Variants in TRAP1 observed in about 807,000 individuals in gnomAD.
TRAP1 encodes the protein TNF receptor associated protein 1.
TRAP1 carries 102 observed loss-of-function variants against 89.1 expected under a neutral mutation model. That is an observed-to-expected ratio of 1.15 (90% CI 0.98 to 1.35). The LOEUF (loss-of-function observed/expected upper bound fraction) is 1.35, where lower values mean the gene tolerates loss of function less well. Among genes scored for constraint, TRAP1 ranks in the 40% most tolerant of loss-of-function variants. The pLI, the probability that TRAP1 is intolerant of heterozygous loss-of-function variation, is 0.00. For synonymous variants in TRAP1, 508 were observed against 388.0 expected, an observed-to-expected ratio of 1.31 and a Z score of -3.64; for missense variants, 1,256 against 945.3, an observed-to-expected ratio of 1.33 and a Z score of -4.31.
At chr16:3,693,819 T>C (rs1043246292) in intron 1 of TRAP1, among the ~76,000 whole-genome samples, 1 of 151,854 alleles carries the variant, frequency 6.6e-6, no homozygotes, top group African/African-American at 2.4e-5. Flanking sequence ...AAAGTGAGAC[T>C]CCATCTCTGC....
intron 10 of TRAP1, 22 bp downstream of exon 10, chr16:3,672,678 T>G: frequency 1.3e-6 from 2 of 1,599,364 alleles, no homozygotes; most frequent in Non-Finnish European, 1.7e-6. Flanking sequence ...GGGGCACTGC[T>G]CACGGACTCT....
At chr16:3,672,516 T>C (rs56026118) in intron 10 of TRAP1, among the ~76,000 whole-genome samples, 184 bp downstream of exon 10, 1 of 152,156 alleles carries the variant, frequency 6.6e-6, no homozygotes, top group Admixed American at 6.5e-5. Flanking sequence ...AGATCAGTCA[T>C]GTGCGTAGGG....
chr16:3,690,898 A>G lies in TRAP1; in HGVS notation c.176T>C (p.Phe59Ser). Residue 59 changes from phenylalanine to serine, a missense_variant, in exon 2 of 18, where the codon TTC becomes TCC. Coordinates refer to ENST00000246957, the MANE Select transcript of TRAP1 (RefSeq NM_016292.3). ...CTTGTCCTCGGCGGTCTGCGTGCTG[A>G]ACAGTCGTCCTGCCTGCAAGCTCCA... Reference protein sequence around the residue: ...PAWSLQAGRLFSTQTAEDKEE... With the variant: ...PAWSLQAGRLSSTQTAEDKEE... 6.3e-7 allele frequency: 1 copy of G among 1,593,606 alleles called. No individual in the cohort carries two copies. Among genetic ancestry groups the G allele is most frequent in the South Asian group, 1.1e-5 (1 of 88,290 alleles).
At chr16:3,693,991 A>C (rs1596737044) in intron 1 of TRAP1, among the ~76,000 whole-genome samples, 4 of 87,658 alleles carry the variant, frequency 4.6e-5, no homozygotes, top group Admixed American at 1.1e-4. Flanking sequence ...AGACAGCGAG[A>C]CTCTGTCTCA....
chr16:3,666,348 A>G (rs538527438), intron 11 of TRAP1, among the ~76,000 whole-genome samples: 8 of 139,298 alleles, frequency 5.7e-5, no homozygotes, highest in Admixed American at 1.4e-4. Context: ...CAGTAGGAGA[A>G]CCGATGCCCC....
At chr16:3,669,832 CAAAAAAAA>C (rs59256364) in intron 11 of TRAP1, among the ~76,000 whole-genome samples, 6 of 66,164 alleles carry the variant, frequency 9.1e-5, no homozygotes, top group East Asian at 4.2e-4. Flanking sequence ...GACTCCGTCT[CAAAAAAAA>C]AAAAAAAAAA....
chr16:3,686,559 G>A (rs987535770), intron 3 of TRAP1, among the ~76,000 whole-genome samples: 19 of 152,162 alleles, frequency 1.2e-4, no homozygotes, highest in East Asian at 5.8e-4. Context: ...TCAAGTGATC[G>A]TTGTGCCTCC....
At chr16:3,715,169 C>T (rs995688163) in intron 1 of TRAP1, among the ~76,000 whole-genome samples, 9 of 152,184 alleles carry the variant, frequency 5.9e-5, no homozygotes, top group South Asian at 2.1e-4. Flanking sequence ...CTGGGCACAG[C>T]GGCTCACGCT....
At chr16:3,663,178 A>C (rs895207118) in intron 14 of TRAP1, 1 of 659,054 alleles carries the variant, frequency 1.5e-6, no homozygotes, top group Non-Finnish European at 2.5e-6. Context: ...TTAAAAAAAT[A>C]CACAGCCTCT....
In TRAP1 at chr16:3,712,260, G is replaced by T. The variant is rs147972001; in HGVS notation, c.88+5161C>A. On this transcript the variant is annotated intron_variant, in intron 1 of 17. Transcript: ENST00000246957. ...GCTGAGGTCATGCCACTGCACTTCA[G>T]CCTGGCGACAGAAAGAATCTGTCTC... Among the ~76,000 whole-genome samples the T allele has an allele frequency of 1.2e-3, 139 of 111,694 alleles. 1 individual carries two copies. The highest frequency in any genetic ancestry group is 4.6e-3 in the African/African-American group (129 of 28,226). The allele number at this position is 111,694 out of a possible 152,430, so 73.3% of individuals were successfully genotyped here. A position where few individuals can be genotyped will look rare whatever the true frequency, so the allele number is the denominator to read the frequency against.
chr16:3,699,204 G>C (rs558760167), intron 1 of TRAP1, among the ~76,000 whole-genome samples: 1 of 152,242 alleles, frequency 6.6e-6, no homozygotes, highest in African/African-American at 2.4e-5. Context: ...CTCAGTAGCT[G>C]GGACTCCTTC....
At chr16:3,669,601 G>A (rs1024504275) in intron 11 of TRAP1, among the ~76,000 whole-genome samples, 16 of 151,582 alleles carry the variant, frequency 1.1e-4, no homozygotes, top group South Asian at 4.2e-4. Flanking sequence ...TTGGGAGGCC[G>A]AGGCAGGCAG....
Position 3,675,931 on chromosome 16 carries a change from G to C in TRAP1, c.814+105C>G, listed in dbSNP as rs906125978. The C allele has an allele frequency of 2.9e-6, 3 of 1,022,208 alleles. No homozygotes were observed. The African/African-American group carries it at 4.8e-5, about 16-fold the overall frequency. The allele number at this position is 1,022,208 out of a possible 1,614,324, so 63.3% of individuals were successfully genotyped here. A position where few individuals can be genotyped will look rare whatever the true frequency, so the allele number is the denominator to read the frequency against. ...GGCTCGGCCCTTCACGGCTCTGCCTGTGCACCCTACGTGCAGGTAGAACCA... is the reference window on the plus strand; with the variant it reads ...GGCTCGGCCCTTCACGGCTCTGCCTCTGCACCCTACGTGCAGGTAGAACCA... On this transcript the variant is annotated intron_variant, in intron 7 of 17. Coordinates refer to ENST00000246957, the MANE Select transcript of TRAP1 (RefSeq NM_016292.3).
rs746812631 is a variant in TRAP1, at chr16:3,658,792, C to A, written c.2013+1G>T. 6.2e-7 allele frequency: 1 copy of A among 1,613,632 alleles called. No homozygotes were observed. Among genetic ancestry groups the A allele is most frequent in the Non-Finnish European group, 8.5e-7 (1 of 1,179,908 alleles). On this transcript the variant is annotated splice_donor_variant, in intron 17 of 17. Transcript: ENST00000246957. LOFTEE classifies it high-confidence loss of function. ...CAGTCATCCTAAGCTGCTGCACTCA[C>A]CTGATCCACCAGCAGCTGAGCCAGG...
intron 4 of TRAP1, 189 bp from the exon 5 acceptor site, chr16:3,679,979 C>T: frequency 3.4e-6 from 2 of 592,890 alleles, no homozygotes; most frequent in Admixed American, 2.6e-5. Flanking sequence ...CCTGTAATCC[C>T]AGCACTATGG....
At chr16:3,666,252 C>T (rs1031186122) in intron 11 of TRAP1, 134 bp from the exon 12 acceptor site, 2 of 1,137,848 alleles carry the variant, frequency 1.8e-6, no homozygotes, top group Non-Finnish European at 2.4e-6. Context: ...ATTGGCCAAA[C>T]TGAAAAAGAC....
At chr16:3,681,928 G>T (rs750983698) in intron 4 of TRAP1, among the ~76,000 whole-genome samples, 1 of 152,158 alleles carries the variant, frequency 6.6e-6, no homozygotes, top group Non-Finnish European at 1.5e-5. Context: ...AACGAAGTTG[G>T]AGAATTTAAA....
intron 14 of TRAP1, 122 bp from the exon 15 acceptor site, chr16:3,663,089 G>C: frequency 1.3e-6 from 1 of 771,248 alleles, no homozygotes; most frequent in Middle Eastern, 3.8e-4. Context: ...ACACAAGCTA[G>C]CAAGATGCTT....
intron 1 of TRAP1, among the ~76,000 whole-genome samples, chr16:3,703,650 C>T (rs935734349): frequency 6.6e-6 from 1 of 151,976 alleles, no homozygotes; most frequent in African/African-American, 2.4e-5. Flanking sequence ...TCAGATATAC[C>T]TCTGTATCGT....
Sources: gnomAD v4.1 joint callset for allele counts (sites outside exome capture counted in the v4.1 genomes callset) on GRCh38, gnomAD v4.1.1 for gene constraint, MANE v1.5 for transcripts, NCBI Gene and HGNC (gene_info 2026-07-23, HGNC 2026-07-21) for gene names.